RPS6KC1: variants seen among roughly 807,000 people sequenced by gnomAD.
RPS6KC1 encodes the protein inactive ribosomal protein S6 kinase delta-1.
A neutral mutation model predicts 103.8 loss-of-function variants in RPS6KC1; 54 were observed. The ratio of observed to expected loss-of-function variants is 0.52; its 90% confidence interval spans 0.42 to 0.65. RPS6KC1 has a LOEUF of 0.65. RPS6KC1 is among the 30% of genes least tolerant of loss of function. The pLI, the probability that RPS6KC1 is intolerant of heterozygous loss-of-function variation, is 0.00. For synonymous variants in RPS6KC1, 439 were observed against 438.7 expected, an observed-to-expected ratio of 1.00 and a Z score of -0.01; for missense variants, 1,151 against 1,253.8, an observed-to-expected ratio of 0.92 and a Z score of 1.24.
the RPS6KC1 span, among the ~76,000 whole-genome samples, chr1:213,480,253 AT>A: frequency 6.6e-6 from 1 of 151,970 alleles, no homozygotes; most frequent in African/African-American, 2.4e-5. Context: ...ATCTCTCATC[AT>A]TTATTCCAGT....
intron 14 of RPS6KC1, 56 bp downstream of exon 14, chr1:213,262,872 A>G: frequency 4.9e-6 from 5 of 1,015,826 alleles, no homozygotes; most frequent in Non-Finnish European, 7.9e-6. Context: ...AGCAGAGCCC[A>G]CAACTCCAAA....
chr1:213,235,489 A>G (rs570112859), intron 10 of RPS6KC1, among the ~76,000 whole-genome samples: 4 of 152,150 alleles, frequency 2.6e-5, no homozygotes, highest in Non-Finnish European at 5.9e-5. Flanking sequence ...GCTATTTTAT[A>G]TAGGGTGGTC....
At chr1:213,212,473 A>G (rs2093537208) in intron 8 of RPS6KC1, among the ~76,000 whole-genome samples, 2 of 152,298 alleles carry the variant, frequency 1.3e-5, no homozygotes, top group South Asian at 4.1e-4. Flanking sequence ...CAGTTTACCC[A>G]TTCACCTATT....
chr1:213,861,443 G>C, the RPS6KC1 span, among the ~76,000 whole-genome samples: 1 of 152,128 alleles, frequency 6.6e-6, no homozygotes, highest in African/African-American at 2.4e-5. Flanking sequence ...GCGTGGACGT[G>C]GATGGAGATA....
the RPS6KC1 span, among the ~76,000 whole-genome samples, chr1:213,436,928 A>T: frequency 6.6e-6 from 1 of 152,124 alleles, no homozygotes; most frequent in South Asian, 2.1e-4. Context: ...GTTTGTAACC[A>T]ATTATATATC....
At chr1:213,737,140 A>G in the RPS6KC1 span, among the ~76,000 whole-genome samples, 13 of 152,220 alleles carry the variant, frequency 8.5e-5, no homozygotes, top group Non-Finnish European at 1.9e-4. Flanking sequence ...TTTTACATAT[A>G]AAAAGCCAAG....
chr1:213,600,747 T>A, the RPS6KC1 span, among the ~76,000 whole-genome samples: 1 of 152,234 alleles, frequency 6.6e-6, no homozygotes, highest in African/African-American at 2.4e-5. Context: ...TCTCATACTT[T>A]AAAAATAAAC....
intron 4 of RPS6KC1, among the ~76,000 whole-genome samples, chr1:213,109,182 G>A (rs973612546): frequency 6.6e-6 from 1 of 152,178 alleles, no homozygotes; most frequent in Non-Finnish European, 1.5e-5. Context: ...TGTTGCCCAG[G>A]CTGGAGTGCA....
chr1:213,638,526 A>G, the RPS6KC1 span, among the ~76,000 whole-genome samples: 3 of 151,852 alleles, frequency 2.0e-5, no homozygotes, highest in African/African-American at 4.9e-5. Flanking sequence ...TACATTTTAT[A>G]TAAGGTTTGA....
At chr1:213,762,745 T>G in the RPS6KC1 span, among the ~76,000 whole-genome samples, 1 of 152,186 alleles carries the variant, frequency 6.6e-6, no homozygotes, top group African/African-American at 2.4e-5. Context: ...ATGAGCTGTG[T>G]GAGGACCTTT....
At chr1:213,131,650 G>T (rs1477701003) in intron 6 of RPS6KC1, among the ~76,000 whole-genome samples, 4 of 152,114 alleles carry the variant, frequency 2.6e-5, no homozygotes, top group Non-Finnish European at 1.5e-5. Flanking sequence ...CACCATGTTT[G>T]CCAGGCTGGT....
the RPS6KC1 span, among the ~76,000 whole-genome samples, chr1:213,476,979 G>A: frequency 6.6e-6 from 1 of 152,164 alleles, no homozygotes; most frequent in East Asian, 1.9e-4. Flanking sequence ...TCTTCCTCAG[G>A]AAAGCAAATT....
chr1:213,492,003 G>A, the RPS6KC1 span, among the ~76,000 whole-genome samples: 1 of 152,156 alleles, frequency 6.6e-6, no homozygotes, highest in Non-Finnish European at 1.5e-5. Context: ...CTGTATATAA[G>A]GTGGTTCTTC....
chr1:213,450,212 G>A, the RPS6KC1 span, among the ~76,000 whole-genome samples: 1 of 152,076 alleles, frequency 6.6e-6, no homozygotes, highest in East Asian at 1.9e-4. Context: ...TATTACTGTG[G>A]TCAACTTTTT....
chr1:213,664,768 G>T, the RPS6KC1 span, among the ~76,000 whole-genome samples: 3 of 152,114 alleles, frequency 2.0e-5, no homozygotes, highest in African/African-American at 7.2e-5. Context: ...CAATAATTAA[G>T]ATCTTTAGTA....
At chr1:213,428,492 T>TCCTC in the RPS6KC1 span, among the ~76,000 whole-genome samples, 11 of 62,288 alleles carry the variant, frequency 1.8e-4, no homozygotes, top group African/African-American at 6.4e-4. Context: ...CTTCCTTCCT[T>TCCTC]CCTTCCTTCC....
At chr1:213,584,684 G>C in the RPS6KC1 span, among the ~76,000 whole-genome samples, 1 of 152,198 alleles carries the variant, frequency 6.6e-6, no homozygotes. Flanking sequence ...GGAATTGCAG[G>C]GAAACTGTTT....
chr1:213,475,821 G>A, the RPS6KC1 span, among the ~76,000 whole-genome samples: 2 of 152,214 alleles, frequency 1.3e-5, no homozygotes, highest in Non-Finnish European at 2.9e-5. Context: ...AAAAGAGATG[G>A]TGGGGCCTCT....
chr1:213,167,466 AC>A (rs1194797154), intron 6 of RPS6KC1, among the ~76,000 whole-genome samples: 5 of 141,760 alleles, frequency 3.5e-5, no homozygotes, highest in African/African-American at 1.0e-4. Flanking sequence ...ACACACACAC[AC>A]ACACACACAC....
Sources: gnomAD v4.1 joint callset for allele counts (sites outside exome capture counted in the v4.1 genomes callset) on GRCh38, gnomAD v4.1.1 for gene constraint, MANE v1.5 for transcripts, NCBI Gene and HGNC (gene_info 2026-07-23, HGNC 2026-07-21) for gene names.